DENND2B: variants seen among roughly 807,000 people sequenced by gnomAD.
DENND2B encodes the protein DENN domain-containing protein 2B.
DENND2B carries 32 observed loss-of-function variants against 116.0 expected under a neutral mutation model. The ratio of observed to expected loss-of-function variants is 0.28; its 90% CI spans 0.21 to 0.37. The LOEUF is 0.37. Ranked by LOEUF, DENND2B falls within the 10% of genes least tolerant of loss-of-function variation. The pLI is 1.00. For synonymous variants in DENND2B, 588 were observed against 583.9 expected (o/e 1.01, Z -0.10); for missense variants, 1,276 against 1,477.7 (o/e 0.86, Z 2.24).
At chr11:8,774,087 C>A in intron 1 of DENND2B, 1 of 984,012 alleles carries the variant, frequency 1.0e-6, no homozygotes, top group East Asian at 1.1e-4. Context: ...TGCTGTTGTA[C>A]AGATTGAGTA....
chr11:8,828,117 A>G (rs561842446), intron 4 of DENND2B, among the ~76,000 whole-genome samples: 1 of 152,340 alleles, frequency 6.6e-6, no homozygotes, highest in East Asian at 1.9e-4. Context: ...CATGAAGTTT[A>G]CTACCTTGAG....
intron 4 of DENND2B, among the ~76,000 whole-genome samples, chr11:8,815,790 C>A (rs1037160527): frequency 2.6e-5 from 4 of 152,160 alleles, no homozygotes; most frequent in Non-Finnish European, 5.9e-5. Flanking sequence ...CGAGGTGTAT[C>A]CACTTTAGTA....
At chr11:8,909,257 G>T (rs962003472) in intron 1 of DENND2B, among the ~76,000 whole-genome samples, 2 of 152,188 alleles carry the variant, frequency 1.3e-5, no homozygotes, top group Non-Finnish European at 2.9e-5. Flanking sequence ...TTTGCAGGGC[G>T]TGGTGGCTGA....
intron 1 of DENND2B, among the ~76,000 whole-genome samples, chr11:8,791,358 G>A (rs1028688993): frequency 6.6e-6 from 1 of 152,186 alleles, no homozygotes; most frequent in Non-Finnish European, 1.5e-5. Flanking sequence ...TGGTTGTATC[G>A]TATATAGGAT....
At chr11:8,754,144 A>G (rs1164379987) in intron 1 of DENND2B, among the ~76,000 whole-genome samples, 2 of 152,108 alleles carry the variant, frequency 1.3e-5, no homozygotes, top group African/African-American at 4.8e-5. Flanking sequence ...AAGACAGCCT[A>G]AATAATGGGA....
chr11:8,714,562 T>C lies in DENND2B; in HGVS notation c.1942+48A>G, dbSNP rs781695052. ...AAATTGATGCCTCTCCCGTTCCTAA[T>C]GCCCAAGGGCCCCAAACAGCTGAAC... On this transcript the variant is annotated intron_variant, in intron 7 of 19. Coordinates refer to ENST00000313726, the MANE Select transcript of DENND2B (RefSeq NM_213618.2). The C allele has an allele frequency of 9.8e-6, 15 of 1,526,784 alleles. No homozygotes were observed. In the South Asian group the frequency reaches 1.6e-4, roughly 16 times the overall value. The allele number at this position is 1,526,784 out of a possible 1,614,324, so 94.6% of individuals were successfully genotyped here. A position where few individuals can be genotyped will look rare whatever the true frequency, so the allele number is the denominator to read the frequency against.
chr11:8,859,750 G>T (rs2063331476), intron 2 of DENND2B, among the ~76,000 whole-genome samples: 1 of 152,098 alleles, frequency 6.6e-6, no homozygotes, highest in South Asian at 2.1e-4. Context: ...CCTCAGCACT[G>T]CCCCACTACC....
At chr11:8,833,744 C>T (rs779957003) in intron 4 of DENND2B, among the ~76,000 whole-genome samples, 1 of 152,138 alleles carries the variant, frequency 6.6e-6, no homozygotes, top group African/African-American at 2.4e-5. Context: ...TGGAATCTCC[C>T]CTTCCTCCAC....
At position 8,754,775 on chromosome 11, in the gene DENND2B, GAATAA is replaced by G. The variant is rs1487899227; in HGVS notation, c.-25-4055_-25-4051del. ...AAAGTACTGATACATTCTACAACAT[GAATAA>G]ACCTTGATTCCACTTTTGTGAAATG... On this transcript the variant is annotated intron_variant, in intron 1 of 19. Transcript: ENST00000313726. Among the ~76,000 whole-genome samples, 5 of 152,322 alleles carry G rather than the reference GAATAA, an allele frequency of 3.3e-5. No homozygotes were observed. The South Asian group carries it at 6.2e-4, about 19-fold the overall frequency.
chr11:8,785,973 T>C (rs998584189), intron 1 of DENND2B, among the ~76,000 whole-genome samples: 20 of 152,240 alleles, frequency 1.3e-4, no homozygotes, highest in African/African-American at 4.8e-4. Flanking sequence ...CTGCCTTTAG[T>C]TGGAAATACA....
At chr11:8,784,308 T>C (rs2058684178) in intron 1 of DENND2B, 1 of 147,704 alleles carries the variant, frequency 6.8e-6, no homozygotes, top group African/African-American at 2.5e-5. Flanking sequence ...ATGCCTGTGG[T>C]CCCTGCTATT....
Position 8,693,378 on chromosome 11 carries a change from T to C in DENND2B, c.*718A>G, listed in dbSNP as rs932466834. Reference sequence around the variant, plus strand: ...CTGGGCCCAAACAACTGTACATTGTTTATTGAGAACACCCGTAGATGGGAA... The same window carrying C: ...CTGGGCCCAAACAACTGTACATTGTCTATTGAGAACACCCGTAGATGGGAA... On this transcript the variant is annotated 3_prime_UTR_variant, in exon 20 of 20. Transcript: ENST00000313726. 2.6e-5 allele frequency: 4 copies of C among 152,586 alleles called. No individual in the cohort carries two copies. Among genetic ancestry groups the C allele is most frequent in the African/African-American group, 9.7e-5 (4 of 41,404 alleles). 9.5% of individuals were successfully genotyped at this position (152,586 alleles called of 1,614,324 possible). A position where few individuals can be genotyped will look rare whatever the true frequency, so the allele number is the denominator to read the frequency against.
intron 2 of DENND2B, among the ~76,000 whole-genome samples, chr11:8,859,098 G>A (rs962434366): frequency 3.9e-5 from 6 of 152,168 alleles, no homozygotes; most frequent in South Asian, 2.1e-4. Flanking sequence ...AAGCCTGCAC[G>A]TCCTAAACCT....
chr11:8,699,532 A>G (rs2041106020), intron 14 of DENND2B, 142 bp from the exon 15 acceptor site: 1 of 787,664 alleles, frequency 1.3e-6, no homozygotes, highest in Non-Finnish European at 2.0e-6. Context: ...GCAGACTGGT[A>G]AAGTCCCCGC....
intron 1 of DENND2B, among the ~76,000 whole-genome samples, chr11:8,887,819 C>A (rs184787354): frequency 1.8e-4 from 27 of 152,302 alleles, no homozygotes; most frequent in Non-Finnish European, 2.8e-4. Flanking sequence ...CCTCAGATAA[C>A]AATTTGAGCC....
At chr11:8,897,167 G>T (rs1296243266) in intron 1 of DENND2B, among the ~76,000 whole-genome samples, 1 of 152,266 alleles carries the variant, frequency 6.6e-6, no homozygotes, top group Non-Finnish European at 1.5e-5. Flanking sequence ...TGAGGCAGGA[G>T]AATCACTTGA....
At chr11:8,825,467 C>T (rs1418799042) in intron 4 of DENND2B, among the ~76,000 whole-genome samples, 1 of 151,834 alleles carries the variant, frequency 6.6e-6, no homozygotes, top group Admixed American at 6.6e-5. Context: ...ATTCTATTTG[C>T]TAGTATTCTG....
At chr11:8,899,932 AG>A (rs1206022222) in intron 1 of DENND2B, among the ~76,000 whole-genome samples, 1 of 152,178 alleles carries the variant, frequency 6.6e-6, no homozygotes, top group African/African-American at 2.4e-5. Flanking sequence ...CAGCATGAGA[AG>A]GGGGGATATG....
At chr11:8,722,910 A>C (rs2133876918) in intron 4 of DENND2B, among the ~76,000 whole-genome samples, 1 of 152,272 alleles carries the variant, frequency 6.6e-6, no homozygotes, top group East Asian at 1.9e-4. Context: ...AAGATCCAGA[A>C]GCCAGGTGAG....
Sources: gnomAD v4.1 joint callset for allele counts (sites outside exome capture counted in the v4.1 genomes callset) on GRCh38, gnomAD v4.1.1 for gene constraint, MANE v1.5 for transcripts, NCBI Gene and HGNC (gene_info 2026-07-23, HGNC 2026-07-21) for gene names.